The following RALGPS1 variants were observed in gnomAD, a reference collection of about 807,000 sequenced individuals.
RALGPS1 encodes the protein Ral GEF with PH domain and SH3 binding motif 1.
In RALGPS1, 19 loss-of-function variants were observed where a neutral mutation model predicts 78.8. That is an observed-to-expected ratio of 0.24 (90% CI 0.17 to 0.35). The LOEUF is 0.35. Ranked by LOEUF, RALGPS1 falls within the 10% of genes least tolerant of loss-of-function variation. The probability of loss-of-function intolerance (pLI) is 1.00; values close to 1 mark genes in which losing one functional copy is unlikely to be tolerated. For missense variants in RALGPS1, 454 were observed against 688.3 expected (o/e 0.66, Z 3.81); for synonymous variants, 228 against 256.3 (o/e 0.89, Z 1.06).
intron 1 of RALGPS1, among the ~76,000 whole-genome samples, chr9:126,946,850 A>T (rs1366197182): frequency 1.3e-5 from 2 of 152,006 alleles, no homozygotes; most frequent in South Asian, 2.1e-4. Flanking sequence ...TCCTTTCCCT[A>T]TGGAAGAAAT....
intron 1 of RALGPS1, among the ~76,000 whole-genome samples, chr9:126,952,540 T>C (rs2037920825): frequency 6.6e-6 from 1 of 152,014 alleles, no homozygotes; most frequent in Non-Finnish European, 1.5e-5. Context: ...TTTCTTGAAC[T>C]CCTGGCAGGA....
intron 5 of RALGPS1, among the ~76,000 whole-genome samples, chr9:127,035,845 T>C (rs1224252003): frequency 3.3e-5 from 5 of 152,192 alleles, no homozygotes; most frequent in African/African-American, 1.2e-4. Flanking sequence ...CCAAAGTCTT[T>C]TGCTTCTTTT....
At chr9:127,076,055 CTT>C (rs2050651930) in intron 8 of RALGPS1, among the ~76,000 whole-genome samples, 1 of 152,168 alleles carries the variant, frequency 6.6e-6, no homozygotes, top group Non-Finnish European at 1.5e-5. Context: ...AAATAAGACT[CTT>C]TGAATCAAAA....
intron 12 of RALGPS1, among the ~76,000 whole-genome samples, chr9:127,195,782 C>T (rs1029050021): frequency 2.0e-5 from 3 of 152,032 alleles, no homozygotes; most frequent in Non-Finnish European, 4.4e-5. Flanking sequence ...TCCCTCCCTT[C>T]CTTTTCTCCC....
chr9:126,973,405 G>A (rs898454591), intron 3 of RALGPS1, among the ~76,000 whole-genome samples: 4 of 152,090 alleles, frequency 2.6e-5, no homozygotes, highest in African/African-American at 9.7e-5. Flanking sequence ...TAGGTAGATA[G>A]CACTTATCAA....
At chr9:127,111,595 G>A (rs1205229141) in intron 8 of RALGPS1, among the ~76,000 whole-genome samples, 1 of 152,190 alleles carries the variant, frequency 6.6e-6, no homozygotes, top group African/African-American at 2.4e-5. Context: ...GCAGAGGAGG[G>A]CCTATGTGTG....
At chr9:127,195,325 C>G in intron 12 of RALGPS1, 108 bp downstream of exon 12, 1 of 1,400,548 alleles carries the variant, frequency 7.1e-7, no homozygotes, top group South Asian at 1.3e-5. Context: ...CTGCCCTGTT[C>G]TGGGAGTTGC....
chr9:126,956,829 A>G (rs2038390794), intron 1 of RALGPS1, among the ~76,000 whole-genome samples: 1 of 152,266 alleles, frequency 6.6e-6, no homozygotes, highest in Admixed American at 6.5e-5. Flanking sequence ...TGACACCGAT[A>G]GTAACTGATA....
In RALGPS1 at chr9:127,212,617, T is replaced by C; in HGVS notation, c.1354-10T>C. ...CTGGTGGCATCACTCAGCCTCCCCT[T>C]CCTCTGTAGCTGTCCTCGTGGACCA... On this transcript the variant is annotated splice_polypyrimidine_tract_variant and intron_variant, in intron 15 of 18. Transcript: ENST00000259351. The surrounding 1 kb of genome is among the most constrained non-coding windows in gnomAD (Gnocchi z 6.0). 6.3e-7 allele frequency: 1 copy of C among 1,596,266 alleles called. No individual in the cohort carries two copies. The highest frequency in any genetic ancestry group is 8.6e-7 in the Non-Finnish European group (1 of 1,167,576).
At chr9:127,043,941 C>T (rs775042711) in intron 5 of RALGPS1, among the ~76,000 whole-genome samples, 21 of 152,134 alleles carry the variant, frequency 1.4e-4, no homozygotes, top group South Asian at 8.3e-4. Context: ...CACCAATTGC[C>T]GTCAAAGATC....
intron 8 of RALGPS1, among the ~76,000 whole-genome samples, chr9:127,081,882 T>C (rs924432796): frequency 6.6e-6 from 1 of 152,218 alleles, no homozygotes; most frequent in African/African-American, 2.4e-5. Context: ...GGCAGCGCTG[T>C]GGGAATGCCA....
intron 4 of RALGPS1, among the ~76,000 whole-genome samples, chr9:127,026,690 C>G (rs963455116): frequency 2.6e-5 from 4 of 152,158 alleles, no homozygotes; most frequent in Admixed American, 2.6e-4. Flanking sequence ...GTTGGCTTCA[C>G]TCATATGCCT....
At chr9:127,005,765 G>C (rs2043780302) in intron 4 of RALGPS1, among the ~76,000 whole-genome samples, 1 of 152,162 alleles carries the variant, frequency 6.6e-6, no homozygotes, top group Non-Finnish European at 1.5e-5. Flanking sequence ...TACTTAACCA[G>C]ATATTTTTGG....
At chr9:127,096,158 C>G (rs553767989) in intron 8 of RALGPS1, among the ~76,000 whole-genome samples, 2 of 152,220 alleles carry the variant, frequency 1.3e-5, no homozygotes, top group Non-Finnish European at 2.9e-5. Context: ...CCCACCACTC[C>G]CTCAGTATCC....
At chr9:127,174,060 G>T (rs1319787724) in intron 10 of RALGPS1, among the ~76,000 whole-genome samples, 1 of 151,852 alleles carries the variant, frequency 6.6e-6, no homozygotes, top group South Asian at 2.1e-4. Context: ...AAGAGATTGA[G>T]ACCATCCTGG....
intron 1 of RALGPS1, among the ~76,000 whole-genome samples, chr9:126,947,542 A>G (rs663926): frequency 0.2 from 30,601 of 152,102 alleles, 3,816 homozygotes; most frequent in East Asian, 0.44. Context: ...GGGATGCGCA[A>G]CCTGTAGCAT....
At chr9:127,199,338 T>A (rs1477909298) in intron 14 of RALGPS1, among the ~76,000 whole-genome samples, 1 of 152,126 alleles carries the variant, frequency 6.6e-6, no homozygotes, top group East Asian at 1.9e-4. Context: ...AGGAGGCCTG[T>A]GAGTAGATTT....
At chr9:127,178,505 A>ATCATAATT (rs1287272294) in intron 11 of RALGPS1, 2 of 988,274 alleles carry the variant, frequency 2.0e-6, no homozygotes, top group Non-Finnish European at 2.4e-6. Context: ...TGATGTGATT[A>ATCATAATT]TCATAATTGT....
intron 4 of RALGPS1, among the ~76,000 whole-genome samples, chr9:126,983,752 T>C (rs2132939608): frequency 6.6e-6 from 1 of 152,336 alleles, no homozygotes. Flanking sequence ...TGTAATATTC[T>C]AAATTGTAAA....
Sources: gnomAD v4.1 joint callset for allele counts (sites outside exome capture counted in the v4.1 genomes callset) on GRCh38, gnomAD v4.1.1 for gene constraint, Gnocchi (gnomAD v3.1) non-coding constraint, MANE v1.5 for transcripts, NCBI Gene and HGNC (gene_info 2026-07-23, HGNC 2026-07-21) for gene names.